The following ZCWPW2 variants were observed in gnomAD, a reference collection of about 807,000 sequenced individuals.
The protein encoded by ZCWPW2 is zinc finger CW-type PWWP domain protein 2.
ZCWPW2 carries 45 observed loss-of-function variants against 46.6 expected under a neutral mutation model. That is an observed-to-expected ratio of 0.96 (90% CI 0.76 to 1.24). ZCWPW2 has a LOEUF of 1.24. Among genes scored for constraint, ZCWPW2 ranks in the 50% most tolerant of loss-of-function variants. ZCWPW2 has a pLI of 0.00. For missense variants in ZCWPW2, 429 were observed against 403.9 expected (o/e 1.06, Z -0.53); for synonymous variants, 152 against 137.1 (o/e 1.11, Z -0.76).
intron 4 of ZCWPW2, among the ~76,000 whole-genome samples, chr3:28,441,179 C>G (rs554760594): frequency 6.6e-6 from 1 of 152,142 alleles, no homozygotes; most frequent in Non-Finnish European, 1.5e-5. Context: ...TTTTGAAATC[C>G]TTCTTTTCTG....
chr3:28,383,374 C>T (rs1695165180), intron 1 of ZCWPW2, among the ~76,000 whole-genome samples: 1 of 151,742 alleles, frequency 6.6e-6, no homozygotes, highest in African/African-American at 2.4e-5. Context: ...TCTTGGATTA[C>T]ATTTCTTGTT....
At chr3:28,482,629 G>T (rs1278461946) in intron 5 of ZCWPW2, among the ~76,000 whole-genome samples, 1 of 152,192 alleles carries the variant, frequency 6.6e-6, no homozygotes, top group Non-Finnish European at 1.5e-5. Context: ...ATGAATGAGA[G>T]TTCCTGTTGC....
At chr3:28,399,325 C>T (rs913666969) in intron 2 of ZCWPW2, among the ~76,000 whole-genome samples, 3 of 152,158 alleles carry the variant, frequency 2.0e-5, no homozygotes, top group Non-Finnish European at 2.9e-5. Context: ...GCCTTACCCC[C>T]ACCCAGTGGT....
Position 28,353,289 on chromosome 3 carries a change from T to C in ZCWPW2, c.-134+4086T>C, listed in dbSNP as rs1459022944. On this transcript the variant is annotated intron_variant, in intron 1 of 9. Coordinates refer to ENST00000383768, the MANE Select transcript of ZCWPW2 (RefSeq NM_001040432.4). ...ATTTAATGAGGTCACAGTATTAGAA[T>C]TTATGTTCTTGGAAATTTTAAAATT... 2.6e-5 allele frequency among the ~76,000 whole-genome samples: 4 copies of C among 152,324 alleles called. No homozygotes were observed. The East Asian group carries it at 7.7e-4, about 29-fold the overall frequency.
At chr3:28,482,578 G>C (rs1277963521) in intron 5 of ZCWPW2, among the ~76,000 whole-genome samples, 1 of 152,156 alleles carries the variant, frequency 6.6e-6, no homozygotes, top group Non-Finnish European at 1.5e-5. Flanking sequence ...CTACCAAACT[G>C]TCTTCCAAAA....
At chr3:28,506,790 C>T (rs555719211) in intron 6 of ZCWPW2, among the ~76,000 whole-genome samples, 11 of 152,160 alleles carry the variant, frequency 7.2e-5, no homozygotes, top group African/African-American at 2.2e-4. Context: ...TCCTACTATA[C>T]CAGAATGCTA....
At chr3:28,393,234 C>G (rs1695565605) in intron 2 of ZCWPW2, among the ~76,000 whole-genome samples, 1 of 151,986 alleles carries the variant, frequency 6.6e-6, no homozygotes, top group East Asian at 1.9e-4. Context: ...TGTAACCTAC[C>G]AAGATGGAAT....
intron 3 of ZCWPW2, chr3:28,427,935 G>T (rs1455810372): frequency 6.6e-6 from 1 of 152,068 alleles, no homozygotes; most frequent in Non-Finnish European, 1.5e-5. Context: ...AACAATTATG[G>T]ATTGGTTGCT....
chr3:28,448,653 C>T lies in ZCWPW2; in HGVS notation c.492+13384C>T, dbSNP rs191145771. On this transcript the variant is annotated intron_variant, in intron 4 of 9. Transcript: ENST00000383768. The stretch of plus-strand genomic sequence containing the variant: ...TACAAAAATTAGCCAGGCATGTTGG[C>T]GCATGCCTATAATACGAGCTACCCG... 6.6e-5 allele frequency among the ~76,000 whole-genome samples: 10 copies of T among 151,340 alleles called. No individual in the cohort carries two copies. In the East Asian group the frequency reaches 7.8e-4, roughly 12 times the overall value.
chr3:28,481,339 G>A (rs1035964352), intron 5 of ZCWPW2, among the ~76,000 whole-genome samples: 4 of 152,094 alleles, frequency 2.6e-5, no homozygotes, highest in Non-Finnish European at 5.9e-5. Flanking sequence ...CGCCTCCTGG[G>A]TTCTAGCAAT....
At chr3:28,354,957 CT>C (rs1704678097) in intron 1 of ZCWPW2, among the ~76,000 whole-genome samples, 1 of 139,216 alleles carries the variant, frequency 7.2e-6, no homozygotes, top group South Asian at 2.5e-4. Flanking sequence ...CAGGGATCCC[CT>C]CTCTCACCAC....
chr3:28,448,840 A>G (rs1698110544), intron 4 of ZCWPW2, among the ~76,000 whole-genome samples: 1 of 142,764 alleles, frequency 7.0e-6, no homozygotes, highest in African/African-American at 2.6e-5. Flanking sequence ...AAAAAAGGCA[A>G]TACTACCCAA....
intron 1 of ZCWPW2, among the ~76,000 whole-genome samples, chr3:28,368,233 C>T (rs937540143): frequency 8.5e-5 from 13 of 152,102 alleles, no homozygotes; most frequent in Non-Finnish European, 1.6e-4. Context: ...GCAGTTTCTT[C>T]CTAGCCTCGA....
intron 6 of ZCWPW2, among the ~76,000 whole-genome samples, chr3:28,501,109 A>G (rs906393807): frequency 6.6e-6 from 1 of 152,112 alleles, no homozygotes; most frequent in Non-Finnish European, 1.5e-5. Context: ...GATCTAATTG[A>G]CTTTTATTAG....
chr3:28,464,096 C>T (rs1030689130), intron 4 of ZCWPW2, among the ~76,000 whole-genome samples: 3 of 151,840 alleles, frequency 2.0e-5, no homozygotes, highest in Admixed American at 1.3e-4. Context: ...TTTTCTTTAC[C>T]TCATGTGTAG....
At chr3:28,450,511 T>A (rs1698184686) in intron 4 of ZCWPW2, among the ~76,000 whole-genome samples, 1 of 152,236 alleles carries the variant, frequency 6.6e-6, no homozygotes, top group Non-Finnish European at 1.5e-5. Flanking sequence ...TGGGCATAAA[T>A]AATGTATTCC....
intron 8 of ZCWPW2, among the ~76,000 whole-genome samples, chr3:28,519,991 T>C (rs1052499373): frequency 1.4e-5 from 2 of 144,260 alleles, no homozygotes; most frequent in Non-Finnish European, 3.1e-5. Flanking sequence ...AATTACCAGA[T>C]TTTTTTTTTT....
chr3:28,368,611 G>A (rs373491207), intron 1 of ZCWPW2, among the ~76,000 whole-genome samples: 2 of 151,992 alleles, frequency 1.3e-5, no homozygotes, highest in African/African-American at 2.4e-5. Flanking sequence ...TCATTTCAAC[G>A]TTGGTGAATC....
At chr3:28,442,069 C>T (rs1452271716) in intron 4 of ZCWPW2, among the ~76,000 whole-genome samples, 1 of 152,218 alleles carries the variant, frequency 6.6e-6, no homozygotes, top group Non-Finnish European at 1.5e-5. Context: ...GTTTGCACAG[C>T]AGCCTGGACC....
Sources: gnomAD v4.1 joint callset for allele counts (sites outside exome capture counted in the v4.1 genomes callset) on GRCh38, gnomAD v4.1.1 for gene constraint, MANE v1.5 for transcripts, NCBI Gene and HGNC (gene_info 2026-07-23, HGNC 2026-07-21) for gene names.